Variants in PCDH11X observed in about 807,000 individuals in gnomAD.
The protein encoded by PCDH11X is protocadherin 11 X-linked, also known as protocadherin-11 X-linked.
PCDH11X carries 18 observed loss-of-function variants against 53.3 expected under a neutral mutation model. The ratio of observed to expected loss-of-function variants is 0.34; its 90% CI spans 0.23 to 0.50. The LOEUF (loss-of-function observed/expected upper bound fraction) is 0.50. Ranked by LOEUF, PCDH11X falls within the 20% of genes least tolerant of loss-of-function variation. The probability of loss-of-function intolerance (pLI) is 0.98; values close to 1 mark genes in which losing one functional copy is unlikely to be tolerated. For missense variants in PCDH11X, 570 were observed against 1,032.4 expected (o/e 0.55, Z 6.14); for synonymous variants, 279 against 393.3 (o/e 0.71, Z 3.44).
At chrX:92,256,048 C>T (rs1292745497) in intron 7 of PCDH11X, among the ~76,000 whole-genome samples, 1 of 112,297 alleles carries the variant, frequency 8.9e-6, no homozygotes, top group African/African-American at 3.2e-5. Context: ...TGCCGCCTTG[C>T]AGTTTGATCT....
chrX:92,250,442 G>C (rs1323322850), intron 7 of PCDH11X, among the ~76,000 whole-genome samples: 4 of 108,856 alleles, frequency 3.7e-5, no homozygotes, highest in African/African-American at 1.3e-4. Flanking sequence ...TCCACTCCAA[G>C]GTACATAAAC....
intron 8 of PCDH11X, among the ~76,000 whole-genome samples, chrX:92,386,103 A>T (rs1299230264): frequency 9.0e-6 from 1 of 111,710 alleles, no homozygotes; most frequent in Non-Finnish European, 1.9e-5. Flanking sequence ...ATTACATATT[A>T]CATGCATTAG....
chrX:91,941,028 T>C (rs1260731726), intron 6 of PCDH11X, among the ~76,000 whole-genome samples: 1 of 110,830 alleles, frequency 9.0e-6, no homozygotes, highest in Non-Finnish European at 1.9e-5. Flanking sequence ...CACTAATAAC[T>C]TAATTGTGCA....
At chrX:92,414,927 A>G (rs760289679) in intron 9 of PCDH11X, among the ~76,000 whole-genome samples, 86 of 110,657 alleles carry the variant, frequency 7.8e-4, no homozygotes, top group Non-Finnish European at 1.3e-3. Flanking sequence ...TTTCATTTTC[A>G]GAAGGTAATT....
intron 9 of PCDH11X, among the ~76,000 whole-genome samples, chrX:92,421,375 T>C (rs1042322447): frequency 8.9e-6 from 1 of 111,953 alleles, no homozygotes; most frequent in African/African-American, 3.3e-5. Context: ...GGTTTTCTGT[T>C]TCTGTGTTAG....
chrX:92,337,981 A>G (rs1385024902), intron 8 of PCDH11X, among the ~76,000 whole-genome samples: 5 of 111,319 alleles, frequency 4.5e-5, no homozygotes, highest in Non-Finnish European at 7.5e-5. Flanking sequence ...ATAACTAATA[A>G]ATAGAAATAT....
intron 6 of PCDH11X, among the ~76,000 whole-genome samples, chrX:92,132,522 C>T (rs1462662780): frequency 1.1e-4 from 11 of 102,199 alleles, no homozygotes; most frequent in East Asian, 3.0e-4. Context: ...GCAGGAGAAT[C>T]GCTTGAACCC....
chrX:91,976,725 T>G (rs1416701277), intron 6 of PCDH11X, among the ~76,000 whole-genome samples: 1 of 111,220 alleles, frequency 9.0e-6, no homozygotes, highest in Non-Finnish European at 1.9e-5. Context: ...CCGATACATA[T>G]GAGACATTCT....
chrX:92,470,860 G>A (rs1444059481), intron 10 of PCDH11X, among the ~76,000 whole-genome samples: 1 of 109,475 alleles, frequency 9.1e-6, no homozygotes, highest in Non-Finnish European at 1.9e-5. Flanking sequence ...CTAATATTTT[G>A]TTGAAGATTT....
At chrX:92,049,314 G>A (rs942305877) in intron 6 of PCDH11X, among the ~76,000 whole-genome samples, 3 of 111,404 alleles carry the variant, frequency 2.7e-5, no homozygotes, top group Non-Finnish European at 3.8e-5. Context: ...TTTTACTCTT[G>A]TTATGCCAGA....
At chrX:91,852,970 TG>T (rs1354441264) in intron 5 of PCDH11X, among the ~76,000 whole-genome samples, 3 of 102,614 alleles carry the variant, frequency 2.9e-5, no homozygotes, top group Admixed American at 1.1e-4. Flanking sequence ...CTTCAAATGA[TG>T]AGCATTCTCA....
At chrX:91,882,445 AT>A (rs1939956572) in intron 6 of PCDH11X, among the ~76,000 whole-genome samples, 1 of 111,052 alleles carries the variant, frequency 9.0e-6, no homozygotes, top group Non-Finnish European at 1.9e-5. Flanking sequence ...CAATTCACCC[AT>A]TAAATATTGT....
intron 9 of PCDH11X, among the ~76,000 whole-genome samples, chrX:92,432,530 T>C (rs1373932520): frequency 9.1e-6 from 1 of 110,153 alleles, no homozygotes; most frequent in Non-Finnish European, 1.9e-5. Flanking sequence ...TTTCCCATGG[T>C]AGGTAGTTCA....
intron 8 of PCDH11X, among the ~76,000 whole-genome samples, chrX:92,281,508 T>A (rs2068251243): frequency 8.9e-6 from 1 of 112,375 alleles, no homozygotes; most frequent in Admixed American, 9.5e-5. Context: ...GGAAATATGA[T>A]TAATATAAAC....
chrX:91,860,456 C>A (rs917060242), intron 5 of PCDH11X, among the ~76,000 whole-genome samples: 4 of 108,944 alleles, frequency 3.7e-5, no homozygotes, highest in Non-Finnish European at 7.6e-5. Flanking sequence ...TATTTTATTT[C>A]TTTCTCTTGC....
At chrX:91,828,120 C>CT (rs764755111) in intron 4 of PCDH11X, among the ~76,000 whole-genome samples, 1,102 of 84,812 alleles carry the variant, frequency 0.013, 22 homozygotes, top group African/African-American at 0.023. Context: ...AGGCAGAATT[C>CT]TTTTTTTTTT....
At chrX:91,940,669 A>G (rs2061497502) in intron 6 of PCDH11X, among the ~76,000 whole-genome samples, 3 of 105,083 alleles carry the variant, frequency 2.9e-5, no homozygotes, top group African/African-American at 1.0e-4. Flanking sequence ...AACTAGGACT[A>G]AGGGTTACCA....
Position 92,225,882 on chromosome X carries a change from T to C in PCDH11X, c.3114+24427T>C, listed in dbSNP as rs746119192. Among the ~76,000 whole-genome samples the C allele has an allele frequency of 6.3e-5, 7 of 111,852 alleles. No homozygotes were observed. The South Asian group carries it at 2.6e-3, about 42-fold the overall frequency. On this transcript the variant is annotated intron_variant, in intron 7 of 10. Coordinates refer to ENST00000682573, the MANE Select transcript of PCDH11X (RefSeq NM_032968.5). Reference sequence around the variant, plus strand: ...GGTGCTTCAATATCTGCAGGAAAAGTCTTAAATTGAAATAGATCAATTTTT... The same window carrying C: ...GGTGCTTCAATATCTGCAGGAAAAGCCTTAAATTGAAATAGATCAATTTTT...
At chrX:92,221,081 G>A (rs1421100938) in intron 7 of PCDH11X, among the ~76,000 whole-genome samples, 1 of 90,660 alleles carries the variant, frequency 1.1e-5, no homozygotes, top group Non-Finnish European at 2.2e-5. Context: ...GATAGCATTA[G>A]GAGATATACC....
Sources: allele counts gnomAD v4.1 joint callset (sites outside exome capture counted in the v4.1 genomes callset), GRCh38; gene constraint gnomAD v4.1.1; transcripts MANE v1.5; gene names NCBI Gene and HGNC (gene_info 2026-07-23, HGNC 2026-07-21).